Variants in DGKI observed in about 807,000 individuals in gnomAD.
The protein encoded by DGKI is diacylglycerol kinase iota, also known as DAG kinase iota.
A neutral mutation model predicts 147.5 loss-of-function variants in DGKI; 55 were observed. The ratio of observed to expected loss-of-function variants is 0.37; its 90% CI spans 0.30 to 0.47. DGKI has a LOEUF of 0.47. DGKI is among the 20% of genes least tolerant of loss of function. The pLI is 1.00. For missense variants in DGKI, 1,007 were observed against 1,323.8 expected, an observed-to-expected ratio of 0.76 and a Z score of 3.71; for synonymous variants, 469 against 477.1, an observed-to-expected ratio of 0.98 and a Z score of 0.22.
At chr7:137,625,415 G>A (rs1820899206) in intron 6 of DGKI, among the ~76,000 whole-genome samples, 2 of 151,916 alleles carry the variant, frequency 1.3e-5, no homozygotes, top group African/African-American at 2.4e-5. Flanking sequence ...AGCCAAAATC[G>A]TGCTACTGCC....
intron 6 of DGKI, among the ~76,000 whole-genome samples, chr7:137,639,543 G>A (rs1585317019): frequency 6.6e-6 from 1 of 152,278 alleles, no homozygotes; most frequent in East Asian, 1.9e-4. Flanking sequence ...GACAGGAAGT[G>A]TCCTCATTGC....
At chr7:137,758,371 G>A (rs563693240) in intron 1 of DGKI, among the ~76,000 whole-genome samples, 1 of 152,278 alleles carries the variant, frequency 6.6e-6, no homozygotes, top group African/African-American at 2.4e-5. Context: ...AGCCATGCTT[G>A]TGATACACTT....
rs553397553 is a variant in DGKI, at chr7:137,752,624, A to T, written c.402-62622T>A. Among the ~76,000 whole-genome samples, 3 of 152,246 alleles carry T rather than the reference A, an allele frequency of 2.0e-5. No homozygotes were observed. In the East Asian group the frequency reaches 5.8e-4, roughly 29 times the overall value. On this transcript the variant is annotated intron_variant, in intron 1 of 32. Coordinates refer to ENST00000614521, the MANE Select transcript of DGKI (RefSeq NM_001321708.2). ...CATTGTATGGAAAAGCATTGTGAAA[A>T]TCCCTGTCCTGTTCTGTTCCATTCT...
chr7:137,663,079 A>G (rs1309238366), intron 3 of DGKI, among the ~76,000 whole-genome samples: 2 of 152,242 alleles, frequency 1.3e-5, no homozygotes, highest in Non-Finnish European at 2.9e-5. Context: ...AAGATTCCAT[A>G]TGGCTGAAAC....
chr7:137,780,540 TAAAG>T (rs1796488363), intron 1 of DGKI, among the ~76,000 whole-genome samples: 2 of 152,320 alleles, frequency 1.3e-5, no homozygotes, highest in East Asian at 1.9e-4. Flanking sequence ...ACAACCTTCA[TAAAG>T]AAAGCGTGGT....
intron 20 of DGKI, among the ~76,000 whole-genome samples, chr7:137,541,892 A>G (rs530474035): frequency 3.9e-5 from 6 of 152,172 alleles, no homozygotes; most frequent in Non-Finnish European, 7.4e-5. Flanking sequence ...ATAAAGAAAA[A>G]AAAAAATCAT....
At chr7:137,667,026 C>T (rs768008796) in intron 3 of DGKI, among the ~76,000 whole-genome samples, 10 of 151,992 alleles carry the variant, frequency 6.6e-5, no homozygotes, top group East Asian at 5.8e-4. Flanking sequence ...CAACCACAGC[C>T]GGTCACTAGT....
At chr7:137,815,435 A>AG (rs1276233311) in intron 1 of DGKI, among the ~76,000 whole-genome samples, 1 of 95,112 alleles carries the variant, frequency 1.1e-5, no homozygotes, top group Admixed American at 9.7e-5. Flanking sequence ...TTGAAATAGA[A>AG]AAAACAACAG....
At chr7:137,409,280 G>A (rs939567306) in intron 29 of DGKI, among the ~76,000 whole-genome samples, 3 of 152,128 alleles carry the variant, frequency 2.0e-5, no homozygotes, top group Non-Finnish European at 2.9e-5. Flanking sequence ...CAGAGTTCAC[G>A]TCTTCACTCA....
intron 20 of DGKI, among the ~76,000 whole-genome samples, chr7:137,537,915 G>A (rs185534061): frequency 6.6e-6 from 1 of 152,156 alleles, no homozygotes; most frequent in Admixed American, 6.5e-5. Flanking sequence ...TATAAAGAGA[G>A]GAAAGGAAAG....
intron 15 of DGKI, among the ~76,000 whole-genome samples, chr7:137,581,033 G>A (rs1241012414): frequency 6.6e-6 from 1 of 152,106 alleles, no homozygotes; most frequent in African/African-American, 2.4e-5. Flanking sequence ...AATAAGAACA[G>A]AGTTTAAGAG....
At chr7:137,689,205 C>T (rs1304416414) in intron 2 of DGKI, among the ~76,000 whole-genome samples, 1 of 152,172 alleles carries the variant, frequency 6.6e-6, no homozygotes, top group African/African-American at 2.4e-5. Context: ...CCCTTCTCTC[C>T]CTTGATACCT....
intron 1 of DGKI, among the ~76,000 whole-genome samples, chr7:137,814,466 A>G (rs1210923950): frequency 6.6e-6 from 1 of 152,028 alleles, no homozygotes; most frequent in Admixed American, 6.6e-5. Flanking sequence ...CCACCCATCT[A>G]TGTTTTGGGG....
intron 10 of DGKI, among the ~76,000 whole-genome samples, chr7:137,606,325 A>G (rs1194744301): frequency 6.6e-6 from 1 of 152,156 alleles, no homozygotes; most frequent in Non-Finnish European, 1.5e-5. Context: ...AAAAAAAGAA[A>G]AAAAAAGTCT....
intron 28 of DGKI, among the ~76,000 whole-genome samples, chr7:137,415,926 G>A (rs1292630174): frequency 6.6e-6 from 1 of 152,122 alleles, no homozygotes; most frequent in Non-Finnish European, 1.5e-5. Context: ...GGAGGCAGAG[G>A]TTGCAGTGAG....
At chr7:137,691,798 GTTTTTT>G (rs796902464) in intron 1 of DGKI, among the ~76,000 whole-genome samples, 3,605 of 95,832 alleles carry the variant, frequency 0.038, 210 homozygotes, top group African/African-American at 0.13. Flanking sequence ...AGACCTTTGG[GTTTTTT>G]TTTTTTTTTT....
intron 1 of DGKI, chr7:137,722,890 A>T: frequency 4.3e-6 from 1 of 234,338 alleles, no homozygotes; most frequent in Non-Finnish European, 6.8e-6. Context: ...TGACTACGTT[A>T]AAAAAAAAAA....
At chr7:137,728,241 C>T (rs1217794891) in intron 1 of DGKI, among the ~76,000 whole-genome samples, 1 of 152,124 alleles carries the variant, frequency 6.6e-6, no homozygotes, top group Non-Finnish European at 1.5e-5. Flanking sequence ...TCAAAGTCTG[C>T]TCCCATCTAA....
At chr7:137,604,495 C>A (rs1013259857) in intron 10 of DGKI, among the ~76,000 whole-genome samples, 1 of 152,130 alleles carries the variant, frequency 6.6e-6, no homozygotes, top group Non-Finnish European at 1.5e-5. Flanking sequence ...AAAGCCGATT[C>A]CCAGATGGTG....
Sources: gnomAD v4.1 joint callset for allele counts (sites outside exome capture counted in the v4.1 genomes callset) on GRCh38, gnomAD v4.1.1 for gene constraint, MANE v1.5 for transcripts, NCBI Gene and HGNC (gene_info 2026-07-23, HGNC 2026-07-21) for gene names.